The following ABL1 variants were observed in gnomAD, a reference collection of about 807,000 sequenced individuals.
ABL1 encodes the protein tyrosine-protein kinase ABL1.
In ABL1, 11 loss-of-function variants were observed where a neutral mutation model predicts 94.7. That is an observed-to-expected ratio of 0.12 (90% CI 0.07 to 0.19). The LOEUF (loss-of-function observed/expected upper bound fraction) is 0.19. Ranked by LOEUF, ABL1 falls within the 10% of genes least tolerant of loss-of-function variation. ABL1 has a pLI of 1.00. For synonymous variants in ABL1, 656 were observed against 622.4 expected, an observed-to-expected ratio of 1.05 and a Z score of -0.80; for missense variants, 1,082 against 1,489.4, an observed-to-expected ratio of 0.73 and a Z score of 4.50.
intron 1 of ABL1, among the ~76,000 whole-genome samples, chr9:130,743,307 A>C (rs1831843056): frequency 6.6e-6 from 1 of 152,182 alleles, no homozygotes; most frequent in Admixed American, 6.5e-5. Context: ...TCGTGACCTC[A>C]GGTGATCCAC....
At position 130,884,997 on chromosome 9, in the gene ABL1, C is replaced by G; in HGVS notation, c.2707C>G (p.Pro903Ala). The change falls in exon 11 of 11, where the codon CCA becomes GCA. Residue 903 changes from proline to alanine, a missense_variant. Pro to Ala is a conservative substitution (Grantham distance 27). Around this residue, in one of 7 missense-constraint regions of ABL1, gnomAD observed 780 missense variants for 835.8 expected, o/e 0.93. Transcript: ENST00000318560. The surrounding 1 kb of genome is among the most constrained non-coding windows in gnomAD (Gnocchi z 5.6). ...SRLKPAPPPP[P>A]AASAGKAGGK... ...GCTCAAACCTGCCCCGCCGCCCCCA[C>G]CAGCAGCCTCTGCAGGGAAGGCTGG... is the stretch of plus-strand genomic sequence containing the variant. The G allele has an allele frequency of 6.2e-7, 1 of 1,611,656 alleles. No homozygotes were observed. Among genetic ancestry groups the G allele is most frequent in the Non-Finnish European group, 8.5e-7 (1 of 1,179,578 alleles).
chr9:130,841,386 C>T (rs1312499216), intron 1 of ABL1, among the ~76,000 whole-genome samples: 1 of 151,912 alleles, frequency 6.6e-6, no homozygotes, highest in East Asian at 2.0e-4. Flanking sequence ...GGATTACAGG[C>T]GTGAGCCACT....
chr9:130,750,644 C>CTTTTTTTTTTTTTTTTTTT (rs71389345), intron 1 of ABL1, among the ~76,000 whole-genome samples: 2 of 87,284 alleles, frequency 2.3e-5, no homozygotes, highest in Non-Finnish European at 2.1e-5. Flanking sequence ...CTTTTTCTTT[C>CTTTTTTTTTTTTTTTTTTT]TTTTTTTTTT....
At chr9:130,840,964 A>T (rs548877927) in intron 1 of ABL1, among the ~76,000 whole-genome samples, 164 of 152,378 alleles carry the variant, frequency 1.1e-3, no homozygotes, top group Non-Finnish European at 1.9e-3. Flanking sequence ...CTTGCTAATT[A>T]TAATTACTTA....
At position 130,814,544 on chromosome 9, in the gene ABL1, CAG is replaced by C. The variant is rs368954152; in HGVS notation, c.137-39518_137-39517del. On this transcript the variant is annotated intron_variant, in intron 1 of 10. Coordinates refer to the ABL1 transcript ENST00000372348. This position sits in a 1 kb window ranked among gnomAD's most constrained non-coding sequence, Gnocchi z 4.4. The stretch of plus-strand genomic sequence containing the variant: ...ATATTGATCAGCAATCTAGAAGAAA[CAG>C]ATTCCTTGAATGACACAAACTACCA... 2.5e-4 allele frequency among the ~76,000 whole-genome samples: 38 copies of C among 152,332 alleles called. No homozygotes were observed. The East Asian group carries it at 6.2e-3, about 25-fold the overall frequency.
At chr9:130,762,801 C>G (rs141273446) in intron 1 of ABL1, among the ~76,000 whole-genome samples, 2,689 of 151,352 alleles carry the variant, frequency 0.018, 77 homozygotes, top group African/African-American at 0.061. Flanking sequence ...GTCCCAGCTA[C>G]TCGGGAGGCT....
chr9:130,732,543 A>G (rs902823061), intron 1 of ABL1, among the ~76,000 whole-genome samples: 1 of 151,916 alleles, frequency 6.6e-6, no homozygotes, highest in African/African-American at 2.4e-5. Context: ...CTGTGTATTT[A>G]GTTTTTCTCC....
At chr9:130,855,792 G>C (rs1458157848) in intron 3 of ABL1, among the ~76,000 whole-genome samples, 1 of 152,236 alleles carries the variant, frequency 6.6e-6, no homozygotes, top group African/African-American at 2.4e-5. Context: ...GGCATAAAGA[G>C]ATCTTGCCCG....
chr9:130,769,373 C>T (rs777553284), intron 1 of ABL1, among the ~76,000 whole-genome samples: 35 of 113,490 alleles, frequency 3.1e-4, no homozygotes, highest in Non-Finnish European at 5.6e-4. Context: ...TCGCTCTTGT[C>T]CAGGCTGGAG....
At chr9:130,770,947 C>G (rs1832244142) in intron 1 of ABL1, among the ~76,000 whole-genome samples, 1 of 152,156 alleles carries the variant, frequency 6.6e-6, no homozygotes, top group South Asian at 2.1e-4. Context: ...CCTGAAGGAA[C>G]AGATAATATC....
At chr9:130,852,576 A>C (rs1298238321) in intron 1 of ABL1, among the ~76,000 whole-genome samples, 1 of 152,192 alleles carries the variant, frequency 6.6e-6, no homozygotes, top group South Asian at 2.1e-4. Context: ...AATGTTCTTC[A>C]ACTGTAAGAT....
intron 6 of ABL1, 145 bp downstream of exon 6, chr9:130,873,182 C>A: frequency 1.1e-6 from 1 of 878,822 alleles, no homozygotes; most frequent in Non-Finnish European, 1.7e-6. Flanking sequence ...GGAACAAAGG[C>A]AAACACTAGG....
In ABL1 at chr9:130,883,961, C is replaced by G. The variant is rs1213130534; in HGVS notation, c.1679-8C>G. 6.2e-7 allele frequency: 1 copy of G among 1,601,116 alleles called. No individual in the cohort carries two copies. Among genetic ancestry groups the G allele is most frequent in the Non-Finnish European group, 8.5e-7 (1 of 1,174,862 alleles). ...CTGGAGTTGTCAGCTCTTCCCCTTG[C>G]GTTTCAGATCCTCTGGACCATGAGC... On this transcript the variant is annotated splice_polypyrimidine_tract_variant and splice_region_variant and intron_variant, in intron 10 of 10. Transcript: ENST00000318560.
At chr9:130,841,781 C>T (rs1046243675) in intron 1 of ABL1, among the ~76,000 whole-genome samples, 1 of 152,014 alleles carries the variant, frequency 6.6e-6, no homozygotes, top group Admixed American at 6.5e-5. Flanking sequence ...CATTGTACTC[C>T]AGCCTGGGCA....
At chr9:130,832,316 G>T, upstream of ABL1, among the ~76,000 whole-genome samples, 1 of 142,852 alleles carries the variant, frequency 7.0e-6, no homozygotes. Context: ...GTAGAGATGG[G>T]GTTTCACCAT....
chr9:130,749,227 G>T (rs1026717161), intron 1 of ABL1, among the ~76,000 whole-genome samples: 2 of 152,072 alleles, frequency 1.3e-5, no homozygotes, highest in Non-Finnish European at 2.9e-5. Flanking sequence ...AGTTATGAGG[G>T]GAAATTAATG....
At chr9:130,735,949 ATATATATATATATT>A (rs1349155070) in intron 1 of ABL1, among the ~76,000 whole-genome samples, 1 of 81,546 alleles carries the variant, frequency 1.2e-5, no homozygotes, top group Non-Finnish European at 2.0e-5. Context: ...ATATATATAT[ATATATATATATATT>A]TTTTTTTTTT....
chr9:130,741,572 A>G (rs1050832718), intron 1 of ABL1, among the ~76,000 whole-genome samples: 1 of 151,998 alleles, frequency 6.6e-6, no homozygotes, highest in Non-Finnish European at 1.5e-5. Context: ...TGCACCAGTT[A>G]CCATGCCAGA....
Position 130,761,424 on chromosome 9 carries a change from G to A in ABL1, c.136+46969G>A, listed in dbSNP as rs72765038. Reference sequence around the variant, plus strand: ...CCCTCCCTACCCTGAAGCCTCCCATGGTCTTTTCTCTCTCCCTTGTGAAGG... The same window carrying A: ...CCCTCCCTACCCTGAAGCCTCCCATAGTCTTTTCTCTCTCCCTTGTGAAGG... On this transcript the variant is annotated intron_variant, in intron 1 of 10. Transcript: ENST00000372348. Among the ~76,000 whole-genome samples, 1,162 of 152,168 alleles carry A rather than the reference G, an allele frequency of 7.6e-3. 7 individuals carry two copies. Among genetic ancestry groups the A allele is most frequent in the Non-Finnish European group, 0.013 (881 of 68,000 alleles).
Sources: allele counts gnomAD v4.1 joint callset (sites outside exome capture counted in the v4.1 genomes callset), GRCh38; gene constraint gnomAD v4.1.1; regional missense constraint gnomAD v4.1.1; non-coding constraint Gnocchi (gnomAD v3.1); transcripts MANE v1.5; gene names NCBI Gene and HGNC (gene_info 2026-07-23, HGNC 2026-07-21).